CIT: variants seen among roughly 807,000 people sequenced by gnomAD.
The protein encoded by CIT is citron rho-interacting serine/threonine kinase.
A neutral mutation model predicts 272.7 loss-of-function variants in CIT; 79 were observed. That is an observed-to-expected ratio of 0.29 (90% CI 0.24 to 0.35). The LOEUF is 0.35. Among genes scored for constraint, CIT ranks in the 10% least tolerant of loss-of-function variants. CIT has a pLI of 1.00. For missense variants in CIT, 1,909 were observed against 2,618.3 expected (o/e 0.73, Z 5.91); for synonymous variants, 948 against 995.6 (o/e 0.95, Z 0.90).
rs749853697 is a variant in CIT at position 119,776,851 on chromosome 12, C to A, written c.1666-9G>T. ...ACTTGAGCCTGGTACTCCTAAAGAG[C>A]AGGCAATGAAATAAAAGAGAACTTT... On this transcript the variant is annotated splice_polypyrimidine_tract_variant and intron_variant, in intron 13 of 47. Transcript: ENST00000392521. The A allele has an allele frequency of 3.6e-5, 58 of 1,613,170 alleles. No individual in the cohort carries two copies. In the South Asian group the frequency reaches 5.6e-4, roughly 16 times the overall value.
At chr12:119,765,339 C>T (rs1593652184) in intron 19 of CIT, among the ~76,000 whole-genome samples, 1 of 144,288 alleles carries the variant, frequency 6.9e-6, no homozygotes, top group African/African-American at 2.6e-5. Context: ...CTGTGCTGAG[C>T]AAGACCATGT....
rs765763044 is a variant in CIT, at chr12:119,717,414, C to CTTTTTTTTTTT, written c.4168+830_4168+831insAAAAAAAAAAA. Among the ~76,000 whole-genome samples, 9 of 109,458 alleles carry CTTTTTTTTTTT rather than the reference C, an allele frequency of 8.2e-5. 1 individual carries two copies. The highest frequency in any genetic ancestry group is 2.7e-4 in the African/African-American group (7 of 25,556). 71.8% of individuals were successfully genotyped at this position (109,458 alleles called of 152,430 possible). A position where few individuals can be genotyped will look rare whatever the true frequency, so the allele number is the denominator to read the frequency against. Reference sequence around the variant, plus strand: ...ATTTTTTCATATTCTTTTTTCTTTTCTTTTCTTTTTTTTTTTTTTTTTTTG... The same window carrying CTTTTTTTTTTT: ...ATTTTTTCATATTCTTTTTTCTTTTCTTTTTTTTTTTTTTTCTTTTTTTTTTTTTTTTTTTG... On this transcript the variant is annotated intron_variant, in intron 32 of 47. Coordinates refer to ENST00000392521, the MANE Select transcript of CIT (RefSeq NM_001206999.2).
At chr12:119,742,669 A>C (rs959628913) in intron 23 of CIT, 7 of 483,120 alleles carry the variant, frequency 1.4e-5, no homozygotes, top group Non-Finnish European at 2.2e-5. Flanking sequence ...AATAACAATT[A>C]ATTCTTTAGA....
At chr12:119,750,254 ACCCAACT>A (rs1418360498) in intron 23 of CIT, among the ~76,000 whole-genome samples, 2 of 152,044 alleles carry the variant, frequency 1.3e-5, no homozygotes, top group Admixed American at 6.5e-5. Context: ...CTCTCCACCC[ACCCAACT>A]CCCAACTCCA....
At chr12:119,800,126 T>G (rs537225040) in intron 10 of CIT, among the ~76,000 whole-genome samples, 1 of 152,162 alleles carries the variant, frequency 6.6e-6, no homozygotes. Flanking sequence ...TTCCTGTTAC[T>G]ACCCTACTAT....
In CIT at chr12:119,784,681, T is replaced by C. The variant is rs1654580631; in HGVS notation, c.1401+279A>G. 14 of 1,295,834 alleles carry C rather than the reference T, an allele frequency of 1.1e-5. 1 individual carries two copies. Among genetic ancestry groups the C allele is most frequent in the South Asian group, 5.9e-5 (3 of 50,966 alleles). 80.3% of individuals were successfully genotyped at this position (1,295,834 alleles called of 1,614,324 possible). Reference sequence around the variant, plus strand: ...GCCACAGGTGAGGACCCAGGCCACCTGCCGGAAGAAGCAGACATCTGGCTG... The same window carrying C: ...GCCACAGGTGAGGACCCAGGCCACCCGCCGGAAGAAGCAGACATCTGGCTG... On this transcript the variant is annotated intron_variant, in intron 11 of 47. Transcript: ENST00000392521. The surrounding 1 kb of genome is among the most constrained non-coding windows in gnomAD (Gnocchi z 4.7).
At chr12:119,824,067 T>G (rs1967955443) in intron 8 of CIT, among the ~76,000 whole-genome samples, 1 of 137,364 alleles carries the variant, frequency 7.3e-6, no homozygotes. Flanking sequence ...AAAATAGGCT[T>G]AATGTAGTAG....
intron 32 of CIT, among the ~76,000 whole-genome samples, chr12:119,714,876 C>T (rs545943920): frequency 2.0e-5 from 3 of 152,334 alleles, no homozygotes; most frequent in South Asian, 2.1e-4. Context: ...AAAATCTGTA[C>T]ATAAATGTTC....
intron 7 of CIT, among the ~76,000 whole-genome samples, chr12:119,831,360 C>A (rs1045759163): frequency 6.6e-6 from 1 of 151,878 alleles, no homozygotes; most frequent in Non-Finnish European, 1.5e-5. Flanking sequence ...AAGAAAATAA[C>A]CTGAAAAAAA....
chr12:119,788,294 G>A (rs1964989120), intron 10 of CIT, among the ~76,000 whole-genome samples: 1 of 152,144 alleles, frequency 6.6e-6, no homozygotes, highest in South Asian at 2.1e-4. Context: ...GCATGGCCTT[G>A]AGCAAAATTC....
rs1376875167 is a variant in CIT at position 119,688,197 on chromosome 12, G to A, written c.*35C>T. ...ATAGTGTGTTTGGTGTTTTCCTGCA[G>A]ATCAAGATGAGGAGTTGGTTTTTCT... On this transcript the variant is annotated 3_prime_UTR_variant, in exon 48 of 48. Transcript: ENST00000392521. 15 of 1,605,842 alleles carry A rather than the reference G, an allele frequency of 9.3e-6. No homozygotes were observed. Among genetic ancestry groups the A allele is most frequent in the African/African-American group, 1.3e-5 (1 of 74,738 alleles).
chr12:119,810,814 G>A (rs989071109), intron 9 of CIT, among the ~76,000 whole-genome samples: 1 of 152,096 alleles, frequency 6.6e-6, no homozygotes, highest in African/African-American at 2.4e-5. Context: ...AGGCTGCAAT[G>A]GGAAGAAGAG....
chr12:119,763,573 G>A lies in CIT; in HGVS notation c.2305-2518C>T, dbSNP rs143977650. Among the ~76,000 whole-genome samples, 645 of 152,232 alleles carry A rather than the reference G, an allele frequency of 4.2e-3. 2 individuals are homozygous for A. Among genetic ancestry groups the A allele is most frequent in the African/African-American group, 0.015 (618 of 41,522 alleles). The stretch of plus-strand genomic sequence containing the variant: ...AAAAACAACCAAAAATAACGCCAGC[G>A]GTAAAAGATGCCAGGGTGGTGATGG... On this transcript the variant is annotated intron_variant, in intron 19 of 47. Coordinates refer to ENST00000392521, the MANE Select transcript of CIT (RefSeq NM_001206999.2).
rs370874178 is a variant in CIT at position 119,718,229 on chromosome 12, T to C, written c.4168+16A>G. On this transcript the variant is annotated intron_variant, in intron 32 of 47. Transcript: ENST00000392521. The surrounding 1 kb of genome is among the most constrained non-coding windows in gnomAD (Gnocchi z 4.8). ...CTTAGTCGACTAAAAGAAATTTCCATACAACTCCAACGTACCCTCTGGAGT... is the reference window on the plus strand; with the variant it reads ...CTTAGTCGACTAAAAGAAATTTCCACACAACTCCAACGTACCCTCTGGAGT... The C allele has an allele frequency of 6.3e-6, 10 of 1,592,958 alleles. No individual in the cohort carries two copies. In the African/African-American group the frequency reaches 9.4e-5, roughly 15 times the overall value.
intron 37 of CIT, chr12:119,711,205 G>C (rs552088694): frequency 1.3e-6 from 1 of 799,196 alleles, no homozygotes; most frequent in Admixed American, 2.2e-5. Context: ...GAGGCTTGTG[G>C]TTAAGAATCT....
chr12:119,834,102 T>A lies in CIT; in HGVS notation c.643A>T (p.Met215Leu). The change falls in exon 6 of 48, where the codon ATG becomes TTG. Residue 215 changes from methionine to leucine, a missense_variant. Met to Leu is a conservative substitution (Grantham distance 15). Transcript: ENST00000392521. ...LILAVHSVHL[M>L]GYVHRDIKPE... ...CTCACTTACCGATGCACGTATCCCA[T>A]CAGATGAACGCTGTGAACAGCCAAA... The A allele has an allele frequency of 6.2e-7, 1 of 1,612,498 alleles. No homozygotes were observed. Among genetic ancestry groups the A allele is most frequent in the Non-Finnish European group, 8.5e-7 (1 of 1,179,618 alleles).
In CIT at chr12:119,745,374, CAAAAAA is replaced by C. The variant is rs757825062; in HGVS notation, c.2905-2916_2905-2911del. On this transcript the variant is annotated intron_variant, in intron 23 of 47. Transcript: ENST00000392521. ...TGAAATAAAAAACAGAAGAAACAAGCAAAAAAAAAAAAAAAAAAAAAAAACACCTGT... is the reference window on the plus strand; with the variant it reads ...TGAAATAAAAAACAGAAGAAACAAGCAAAAAAAAAAAAAAAAAACACCTGT... Among the ~76,000 whole-genome samples, 35 of 7,014 alleles carry C rather than the reference CAAAAAA, an allele frequency of 5.0e-3. 1 individual carries two copies. The highest frequency in any genetic ancestry group is 0.029 in the Admixed American group (7 of 240). 4.6% of individuals were successfully genotyped at this position (7,014 alleles called of 152,430 possible).
At position 119,708,227 on chromosome 12, in the gene CIT, G is replaced by C. The variant is rs778560308; in HGVS notation, c.5163C>G (p.Pro1721=). The change falls in exon 40 of 48, where the codon CCC becomes CCG. Residue 1721 remains proline (P), a synonymous_variant. Transcript: ENST00000392521. ...SHLPAQPDIS[P]NIFEAVKGCH... is the part of the protein sequence containing the mutation. ...AGCCCTTGACAGCTTCAAAAATGTT[G>C]GGTGAGATGTCGGGCTGGGCAGGCA... The C allele has an allele frequency of 1.9e-6, 3 of 1,606,462 alleles. No individual in the cohort carries two copies. The highest frequency in any genetic ancestry group is 2.5e-6 in the Non-Finnish European group (3 of 1,176,860).
chr12:119,767,479 A>G (rs535851061), intron 18 of CIT, among the ~76,000 whole-genome samples: 2 of 152,386 alleles, frequency 1.3e-5, no homozygotes, highest in South Asian at 2.1e-4. Context: ...GCATAGAGAA[A>G]TAAGAGTAAC....
Sources: gnomAD v4.1 joint callset for allele counts (sites outside exome capture counted in the v4.1 genomes callset) on GRCh38, gnomAD v4.1.1 for gene constraint, Gnocchi (gnomAD v3.1) non-coding constraint, MANE v1.5 for transcripts, NCBI Gene and HGNC (gene_info 2026-07-23, HGNC 2026-07-21) for gene names.